The following XXYLT1 variants were observed in gnomAD, a reference collection of about 807,000 sequenced individuals.
XXYLT1 encodes xyloside xylosyltransferase 1.
In XXYLT1, 20 loss-of-function variants were observed where a neutral mutation model predicts 28.9. The observed-to-expected ratio is 0.69, with a 90% CI of 0.49 to 1.00. XXYLT1 has a LOEUF of 1.00. Ranked by LOEUF, XXYLT1 falls within the 50% of genes least tolerant of loss-of-function variation. XXYLT1 has a pLI of 0.00. For missense variants in XXYLT1, 542 were observed against 560.1 expected, an observed-to-expected ratio of 0.97 and a Z score of 0.33; for synonymous variants, 257 against 253.8, an observed-to-expected ratio of 1.01 and a Z score of -0.12.
chr3:195,113,353 C>G (rs763146846), intron 3 of XXYLT1, among the ~76,000 whole-genome samples: 5 of 152,168 alleles, frequency 3.3e-5, no homozygotes, highest in Admixed American at 1.3e-4. Context: ...GAGTGGTGCA[C>G]TAACGTATAT....
intron 3 of XXYLT1, among the ~76,000 whole-genome samples, chr3:195,105,715 A>G (rs982127152): frequency 3.3e-5 from 5 of 152,180 alleles, no homozygotes; most frequent in Admixed American, 3.3e-4. Context: ...TTCAACTATC[A>G]GCGGGGGCCA....
At chr3:195,188,065 C>T (rs942751260) in intron 2 of XXYLT1, among the ~76,000 whole-genome samples, 1 of 152,170 alleles carries the variant, frequency 6.6e-6, no homozygotes, top group African/African-American at 2.4e-5. Context: ...TGAGAGTAAA[C>T]ATCTGACTCT....
intron 2 of XXYLT1, among the ~76,000 whole-genome samples, chr3:195,200,702 G>A (rs1722814720): frequency 1.3e-5 from 2 of 152,162 alleles, no homozygotes; most frequent in Non-Finnish European, 2.9e-5. Context: ...GTCTAAATTA[G>A]GCGGGAAGAA....
Position 195,110,627 on chromosome 3 carries a change from T to G in XXYLT1, c.786-40516A>C, listed in dbSNP as rs1717606346. ...TATGTGTGCATGTGTGTGGTGTGTG[T>G]GTGGTGTGTGATGTATAAGTGTGTG... On this transcript the variant is annotated intron_variant, in intron 3 of 3. Coordinates refer to ENST00000310380, the MANE Select transcript of XXYLT1 (RefSeq NM_152531.5). 1.4e-4 allele frequency among the ~76,000 whole-genome samples: 2 copies of G among 14,304 alleles called. 1 individual carries two copies. The allele number at this position is 14,304 out of a possible 152,430, so 9.4% of individuals were successfully genotyped here.
chr3:195,114,656 C>T (rs993768508), intron 3 of XXYLT1, among the ~76,000 whole-genome samples: 35 of 152,234 alleles, frequency 2.3e-4, no homozygotes, highest in African/African-American at 7.7e-4. Flanking sequence ...CAGGACCAGA[C>T]ATGAAATCCT....
intron 2 of XXYLT1, among the ~76,000 whole-genome samples, chr3:195,158,814 G>A (rs1244507800): frequency 6.6e-6 from 1 of 152,214 alleles, no homozygotes; most frequent in Non-Finnish European, 1.5e-5. Context: ...AGTTGTAAAT[G>A]TCACTGCTGA....
chr3:195,177,295 T>C (rs756273700), intron 2 of XXYLT1, among the ~76,000 whole-genome samples: 3 of 152,214 alleles, frequency 2.0e-5, no homozygotes, highest in Admixed American at 6.5e-5. Context: ...CTTGCCCTTT[T>C]ATCCCTGGCC....
intron 3 of XXYLT1, among the ~76,000 whole-genome samples, chr3:195,071,302 T>C (rs1048908369): frequency 2.6e-5 from 4 of 152,136 alleles, no homozygotes; most frequent in African/African-American, 9.7e-5. Context: ...GCAGAGAGAC[T>C]TCCCCACCCA....
chr3:195,097,650 C>G (rs1181234357), intron 3 of XXYLT1, among the ~76,000 whole-genome samples: 1 of 152,110 alleles, frequency 6.6e-6, no homozygotes, highest in Non-Finnish European at 1.5e-5. Flanking sequence ...GGCCTGGAGC[C>G]CCCACTGATA....
At chr3:195,225,936 C>T (rs1724030270) in intron 2 of XXYLT1, among the ~76,000 whole-genome samples, 1 of 152,198 alleles carries the variant, frequency 6.6e-6, no homozygotes, top group Admixed American at 6.5e-5. Context: ...CCTCCCCAGC[C>T]ATGCTGAACT....
intron 3 of XXYLT1, among the ~76,000 whole-genome samples, chr3:195,086,650 A>G (rs112863358): frequency 0.037 from 5,604 of 152,046 alleles, 347 homozygotes; most frequent in African/African-American, 0.13. Context: ...GAGGAAGGTC[A>G]CTCTGGCTGG....
intron 2 of XXYLT1, among the ~76,000 whole-genome samples, chr3:195,170,472 T>G (rs1454041594): frequency 6.6e-6 from 1 of 152,228 alleles, no homozygotes; most frequent in Non-Finnish European, 1.5e-5. Flanking sequence ...TCCAAGCTTC[T>G]GCAACCTTCC....
chr3:195,079,795 G>C (rs1049425894), intron 3 of XXYLT1, among the ~76,000 whole-genome samples: 1 of 152,118 alleles, frequency 6.6e-6, no homozygotes, highest in African/African-American at 2.4e-5. Context: ...GTGTGAGAAG[G>C]GTTTGAGAAA....
intron 2 of XXYLT1, among the ~76,000 whole-genome samples, chr3:195,222,289 A>G (rs529011125): frequency 6.6e-6 from 1 of 152,208 alleles, no homozygotes; most frequent in Non-Finnish European, 1.5e-5. Context: ...GAAGCGGCCT[A>G]ACCTCTCAGC....
chr3:195,258,573 T>C (rs1023921255), intron 1 of XXYLT1, among the ~76,000 whole-genome samples: 2 of 152,164 alleles, frequency 1.3e-5, no homozygotes, highest in Non-Finnish European at 2.9e-5. Context: ...CTACAAAGGC[T>C]TCATCATCCT....
At chr3:195,235,663 G>A (rs1724503989) in intron 1 of XXYLT1, among the ~76,000 whole-genome samples, 1 of 152,156 alleles carries the variant, frequency 6.6e-6, no homozygotes. Context: ...CCTTCTTGGG[G>A]AGGCTTTCCA....
chr3:195,214,279 C>G (rs1385627285), intron 2 of XXYLT1, among the ~76,000 whole-genome samples: 1 of 152,180 alleles, frequency 6.6e-6, no homozygotes, highest in Admixed American at 6.5e-5. Flanking sequence ...CACTAGTCAA[C>G]AGGGTCCTGG....
chr3:195,262,425 C>T (rs1188746031), intron 1 of XXYLT1, among the ~76,000 whole-genome samples: 1 of 152,166 alleles, frequency 6.6e-6, no homozygotes, highest in East Asian at 1.9e-4. Context: ...CTTGGGAATA[C>T]ACTAAAAACC....
In XXYLT1 at chr3:195,088,469, T is replaced by C. The variant is rs529016836; in HGVS notation, c.786-18358A>G. On this transcript the variant is annotated intron_variant, in intron 3 of 3. Transcript: ENST00000310380. The stretch of plus-strand genomic sequence containing the variant: ...AACAGACCTGCAGCTGAGGGTCCTG[T>C]CTGTTAGAAGGAAAACTAACAAACA... Among the ~76,000 whole-genome samples the C allele has an allele frequency of 2.8e-5, 4 of 142,960 alleles. No individual in the cohort carries two copies. The East Asian group carries it at 8.8e-4, about 32-fold the overall frequency. The allele number at this position is 142,960 out of a possible 152,430, so 93.8% of individuals were successfully genotyped here.
Sources: allele counts gnomAD v4.1 joint callset (sites outside exome capture counted in the v4.1 genomes callset), GRCh38; gene constraint gnomAD v4.1.1; transcripts MANE v1.5; gene names NCBI Gene and HGNC (gene_info 2026-07-23, HGNC 2026-07-21).